The following NEO1 variants were observed in gnomAD, a reference collection of about 807,000 sequenced individuals.
NEO1 encodes the protein neogenin 1.
NEO1 carries 63 observed loss-of-function variants against 159.7 expected under a neutral mutation model. That is an observed-to-expected ratio of 0.39 (90% CI 0.32 to 0.49). The LOEUF is 0.49. Ranked by LOEUF, NEO1 falls within the 20% of genes least tolerant of loss-of-function variation. The pLI is 0.85. For missense variants in NEO1, 1,615 were observed against 1,831.0 expected (o/e 0.88, Z 2.15); for synonymous variants, 633 against 662.0 (o/e 0.96, Z 0.67).
chr15:73,179,221 T>G (rs1309486407), intron 7 of NEO1, among the ~76,000 whole-genome samples: 1 of 152,096 alleles, frequency 6.6e-6, no homozygotes, highest in East Asian at 1.9e-4. Context: ...TAGTAAGAAG[T>G]AAAGAGAACT....
intron 26 of NEO1, among the ~76,000 whole-genome samples, chr15:73,298,026 A>G (rs549662291): frequency 7.9e-5 from 12 of 152,212 alleles, no homozygotes; most frequent in African/African-American, 2.9e-4. Flanking sequence ...ATTTTCTTTT[A>G]TACTTATTTA....
intron 1 of NEO1, among the ~76,000 whole-genome samples, chr15:73,092,764 A>G (rs1195843078): frequency 6.6e-6 from 1 of 152,170 alleles, no homozygotes; most frequent in Non-Finnish European, 1.5e-5. Context: ...TTAGATTTAC[A>G]GAAAATTACA....
chr15:73,232,068 T>G (rs545602065), intron 7 of NEO1, among the ~76,000 whole-genome samples: 1 of 152,328 alleles, frequency 6.6e-6, no homozygotes, highest in East Asian at 1.9e-4. Flanking sequence ...ATGACTGCCT[T>G]TTTTACCCCT....
At chr15:73,073,391 C>T (rs1459807287) in intron 1 of NEO1, among the ~76,000 whole-genome samples, 1 of 151,940 alleles carries the variant, frequency 6.6e-6, no homozygotes. Context: ...AGAAATTTAG[C>T]CATGATGGGG....
chr15:73,238,822 GT>G (rs903292565), intron 8 of NEO1, among the ~76,000 whole-genome samples: 2 of 151,064 alleles, frequency 1.3e-5, no homozygotes, highest in African/African-American at 2.4e-5. Context: ...AATGATGGGG[GT>G]TTTTTTGTTT....
chr15:73,090,672 A>G (rs1309044773), intron 1 of NEO1, among the ~76,000 whole-genome samples: 1 of 152,212 alleles, frequency 6.6e-6, no homozygotes, highest in Non-Finnish European at 1.5e-5. Context: ...ATAAATAACT[A>G]TTGTATTAGA....
intron 1 of NEO1, among the ~76,000 whole-genome samples, chr15:73,081,042 A>T (rs1290546530): frequency 6.6e-6 from 1 of 152,220 alleles, no homozygotes; most frequent in East Asian, 1.9e-4. Context: ...TTGACTTGAG[A>T]TTAAAGTCTT....
intron 16 of NEO1, among the ~76,000 whole-genome samples, chr15:73,266,962 T>C (rs143387906): frequency 3.3e-4 from 51 of 152,306 alleles, no homozygotes; most frequent in Admixed American, 1.6e-3. Context: ...ATTATCTACT[T>C]AAAATATCTC....
At chr15:73,076,479 A>G (rs530932400) in intron 1 of NEO1, among the ~76,000 whole-genome samples, 1 of 152,332 alleles carries the variant, frequency 6.6e-6, no homozygotes, top group East Asian at 1.9e-4. Flanking sequence ...AGTGCCTAGA[A>G]GAGTGCCAGG....
At chr15:73,289,656 T>A (rs1220344142) in intron 25 of NEO1, among the ~76,000 whole-genome samples, 1 of 152,076 alleles carries the variant, frequency 6.6e-6, no homozygotes, top group Non-Finnish European at 1.5e-5. Flanking sequence ...ATTAATAGAT[T>A]TGAAGGCCAA....
chr15:73,170,706 G>A (rs2034900238), intron 5 of NEO1, among the ~76,000 whole-genome samples: 1 of 152,134 alleles, frequency 6.6e-6, no homozygotes, highest in African/African-American at 2.4e-5. Flanking sequence ...TCACTGTTTT[G>A]AAAACGTAAG....
chr15:73,104,436 G>A (rs1332910693), intron 1 of NEO1, among the ~76,000 whole-genome samples: 1 of 152,174 alleles, frequency 6.6e-6, no homozygotes, highest in African/African-American at 2.4e-5. Context: ...AGAAATAGCA[G>A]TGAGAATTAA....
chr15:73,225,676 T>C (rs1467751485), intron 7 of NEO1, among the ~76,000 whole-genome samples: 3 of 152,218 alleles, frequency 2.0e-5, no homozygotes, highest in South Asian at 2.1e-4. Flanking sequence ...CTGCCAGCAG[T>C]TGGGGAGCCA....
At chr15:73,065,597 T>C (rs991639772) in intron 1 of NEO1, among the ~76,000 whole-genome samples, 2 of 152,224 alleles carry the variant, frequency 1.3e-5, no homozygotes, top group African/African-American at 4.8e-5. Flanking sequence ...GTGAGTAATG[T>C]GCTTACCTCC....
intron 18 of NEO1, 90 bp from the exon 19 acceptor site, chr15:73,272,365 T>C (rs1417077481): frequency 1.1e-6 from 1 of 903,994 alleles, no homozygotes. Context: ...CCTTGTGCCC[T>C]TTATTTTGCC....
intron 13 of NEO1, among the ~76,000 whole-genome samples, chr15:73,256,679 T>TCAGCTTCTTC (rs2040367858): frequency 1.3e-5 from 2 of 152,166 alleles, no homozygotes; most frequent in Non-Finnish European, 2.9e-5. Flanking sequence ...GGCATGTCTT[T>TCAGCTTCTTC]CAGTCTTCCA....
intron 22 of NEO1, 72 bp downstream of exon 22, chr15:73,278,271 C>CA: frequency 1.5e-6 from 2 of 1,348,484 alleles, no homozygotes; most frequent in Non-Finnish European, 2.1e-6. Flanking sequence ...TTTGAAATGT[C>CA]CTTTATAGCT....
chr15:73,295,575 G>A (rs1444400027), intron 26 of NEO1, among the ~76,000 whole-genome samples: 5 of 151,970 alleles, frequency 3.3e-5, no homozygotes, highest in Admixed American at 6.6e-5. Flanking sequence ...GAGGGGGAAA[G>A]AATAATTTGC....
chr15:73,122,063 GTATATATA>G (rs200219694), intron 2 of NEO1, among the ~76,000 whole-genome samples: 18,882 of 126,090 alleles, frequency 0.15, 1,434 homozygotes, highest in South Asian at 0.2. Flanking sequence ...GTGTGTGTGT[GTATATATA>G]TATATATATA....
Sources: allele counts gnomAD v4.1 joint callset (sites outside exome capture counted in the v4.1 genomes callset), GRCh38; gene constraint gnomAD v4.1.1; transcripts MANE v1.5; gene names NCBI Gene and HGNC (gene_info 2026-07-23, HGNC 2026-07-21).